The following PIK3R2 variants were observed in gnomAD, a reference collection of about 807,000 sequenced individuals.
PIK3R2 encodes phosphoinositide-3-kinase regulatory subunit 2.
A neutral mutation model predicts 78.5 loss-of-function variants in PIK3R2; 40 were observed. The ratio of observed to expected loss-of-function variants is 0.51; its 90% CI spans 0.40 to 0.66. PIK3R2 has a LOEUF of 0.66. PIK3R2 is among the 30% of genes least tolerant of loss of function. PIK3R2 has a pLI of 0.00. For synonymous variants in PIK3R2, 473 were observed against 457.7 expected, an observed-to-expected ratio of 1.03 and a Z score of -0.43; for missense variants, 880 against 1,026.6, an observed-to-expected ratio of 0.86 and a Z score of 1.95.
At position 18,168,943 on chromosome 19, in the gene PIK3R2, C is replaced by T. The variant is rs2043838595; in HGVS notation, c.1979+47C>T. The T allele has an allele frequency of 6.3e-7, 1 of 1,585,482 alleles. No homozygotes were observed. On this transcript the variant is annotated intron_variant, in intron 15 of 15. Coordinates refer to ENST00000222254, the MANE Select transcript of PIK3R2 (RefSeq NM_005027.4). This position sits in a 1 kb window ranked among gnomAD's most constrained non-coding sequence, Gnocchi z 4.1. ...GGATTCCCGCGTCCCTCCCAGAGCT[C>T]TCATTGAATGCCTGCCGCGTGCCAG...
In PIK3R2 at chr19:18,169,200, A is replaced by C. The variant is rs1555815294; in HGVS notation, c.2093A>C (p.His698Pro). 6.2e-7 allele frequency: 1 copy of C among 1,606,902 alleles called. No individual in the cohort carries two copies. Among genetic ancestry groups the C allele is most frequent in the Non-Finnish European group, 8.5e-7 (1 of 1,179,070 alleles). The change falls in exon 16 of 16, where the codon CAC becomes CCC. Residue 698 changes from histidine to proline, a missense_variant. By Grantham distance (77) the His-to-Pro change is moderately conservative. This residue lies in a region of PIK3R2 where 268 missense variants were observed against 299.1 expected (regional missense o/e 0.90). Transcript: ENST00000222254. ...SLKELVLHYQ[H>P]ASLVQHNDAL... ...AAGGAGCTGGTGCTGCACTACCAGCACGCCTCGCTGGTGCAGCACAACGAC... is the reference window on the plus strand; with the variant it reads ...AAGGAGCTGGTGCTGCACTACCAGCCCGCCTCGCTGGTGCAGCACAACGAC...
chr19:18,156,493 G>A lies in PIK3R2; in HGVS notation c.322+292G>A, dbSNP rs559519904. On this transcript the variant is annotated intron_variant, in intron 2 of 15. Transcript: ENST00000222254. The surrounding 1 kb of genome is among the most constrained non-coding windows in gnomAD (Gnocchi z 4.2). ...GGAAGCTCAAGGCAGTGGGGGCAGC[G>A]AGGGCAGAGGCTGTGGAGTAGAACT... Among the ~76,000 whole-genome samples, 21 of 152,282 alleles carry A rather than the reference G, an allele frequency of 1.4e-4. No individual in the cohort carries two copies. In the South Asian group the frequency reaches 1.4e-3, roughly 11 times the overall value.
At chr19:18,160,827 G>T in intron 3 of PIK3R2, 92 bp from the exon 4 acceptor site, 1 of 1,424,908 alleles carries the variant, frequency 7.0e-7, no homozygotes, top group Non-Finnish European at 9.7e-7. Context: ...GGGCAGCAAA[G>T]GGAGACTGCA....
At chr19:18,162,534 C>G (rs755040078) in intron 9 of PIK3R2, 28 bp downstream of exon 9, 3 of 1,586,526 alleles carry the variant, frequency 1.9e-6, no homozygotes, top group Admixed American at 3.3e-5. Context: ...CAAGGATAAC[C>G]GGGGGTCACA....
In PIK3R2 at chr19:18,163,500, C is replaced by T; in HGVS notation, c.1416+112C>T. The T allele has an allele frequency of 2.5e-6, 3 of 1,179,770 alleles. No homozygotes were observed. In the South Asian group the frequency reaches 4.1e-5, roughly 16 times the overall value. The allele number at this position is 1,179,770 out of a possible 1,614,324, so 73.1% of individuals were successfully genotyped here. On this transcript the variant is annotated intron_variant, in intron 11 of 15. Coordinates refer to ENST00000222254, the MANE Select transcript of PIK3R2 (RefSeq NM_005027.4). ...TGAGGATGAATATCCAGTTGCAGGT[C>T]ACAGAGCAGGCACTTAGCACCAAGG...
intron 11 of PIK3R2, among the ~76,000 whole-genome samples, 192 bp downstream of exon 11, chr19:18,163,580 T>C (rs907032822): frequency 1.1e-4 from 16 of 152,098 alleles, no homozygotes; most frequent in African/African-American, 2.7e-4. Context: ...GTCTGTGTAC[T>C]TGGGAGGCAG....
rs1393433745 is a variant in PIK3R2, at chr19:18,161,220, G to A, written c.598+35G>A. 6.5e-7 allele frequency: 1 copy of A among 1,526,836 alleles called. No individual in the cohort carries two copies. 94.6% of individuals were successfully genotyped at this position (1,526,836 alleles called of 1,614,324 possible). ...GCGGGTAGCCCGGGGGAAGGAGGGG[G>A]CTGTAGCGGGTGGGAGGGCCCAGGC... On this transcript the variant is annotated intron_variant, in intron 5 of 15. Coordinates refer to ENST00000222254, the MANE Select transcript of PIK3R2 (RefSeq NM_005027.4). The surrounding 1 kb of genome is among the most constrained non-coding windows in gnomAD (Gnocchi z 5.3).
At position 18,161,652 on chromosome 19, in the gene PIK3R2, GCT is replaced by G. The variant is rs1323321814; in HGVS notation, c.815+159_815+160del. 6.6e-6 allele frequency among the ~76,000 whole-genome samples: 1 copy of G among 152,202 alleles called. No individual in the cohort carries two copies. Among genetic ancestry groups the G allele is most frequent in the Admixed American group, 6.5e-5 (1 of 15,286 alleles). Reference sequence around the variant, plus strand: ...TTGTGATGACGGAGCGGAGACCTGGGCTCCTGAGTCGTGGGACAGAAGGTGAA... The same window carrying G: ...TTGTGATGACGGAGCGGAGACCTGGGCCTGAGTCGTGGGACAGAAGGTGAA... On this transcript the variant is annotated intron_variant, in intron 6 of 15. Transcript: ENST00000222254. This position sits in a 1 kb window ranked among gnomAD's most constrained non-coding sequence, Gnocchi z 5.3.
Position 18,169,539 on chromosome 19 carries a change from C to G in PIK3R2, c.*245C>G, listed in dbSNP as rs1242151079. The G allele has an allele frequency of 6.1e-6, 2 of 329,362 alleles. No homozygotes were observed. Among genetic ancestry groups the G allele is most frequent in the Admixed American group, 5.0e-5 (1 of 19,856 alleles). 20.4% of individuals were successfully genotyped at this position (329,362 alleles called of 1,614,324 possible). On this transcript the variant is annotated 3_prime_UTR_variant, in exon 16 of 16. Coordinates refer to ENST00000222254, the MANE Select transcript of PIK3R2 (RefSeq NM_005027.4). The stretch of plus-strand genomic sequence containing the variant: ...TCTCTCCATGTTGGGGGTCCTAACT[C>G]CCCCACCCCATATCTACGTGTCCTC...
chr19:18,158,483 T>C (rs1246283809), intron 2 of PIK3R2, among the ~76,000 whole-genome samples: 1 of 111,076 alleles, frequency 9.0e-6, no homozygotes, highest in Non-Finnish European at 1.7e-5. Flanking sequence ...AGAGCAAGAC[T>C]CCATCTCAAA....
intron 11 of PIK3R2, among the ~76,000 whole-genome samples, chr19:18,163,986 G>T (rs577566957): frequency 5.3e-5 from 8 of 151,944 alleles, no homozygotes; most frequent in African/African-American, 1.9e-4. Context: ...AATTAGCTGG[G>T]CATGGTGGCG....
chr19:18,165,030 C>T (rs2043793789), intron 11 of PIK3R2, among the ~76,000 whole-genome samples: 1 of 150,256 alleles, frequency 6.7e-6, no homozygotes, highest in African/African-American at 2.5e-5. Flanking sequence ...GAGTTTGAGA[C>T]CAGCCTGGCC....
chr19:18,160,452 C>G lies in PIK3R2; in HGVS notation c.323-19C>G. On this transcript the variant is annotated intron_variant, in intron 2 of 15. Coordinates refer to ENST00000222254, the MANE Select transcript of PIK3R2 (RefSeq NM_005027.4). ...CCAGGAACCCCACCAACATGCAACC[C>G]CCCTGTTTCCCCCACCAGGCCTCAC... The G allele has an allele frequency of 6.7e-7, 1 of 1,484,166 alleles. No individual in the cohort carries two copies. Among genetic ancestry groups the G allele is most frequent in the Non-Finnish European group, 9.4e-7 (1 of 1,061,218 alleles). 91.9% of individuals were successfully genotyped at this position (1,484,166 alleles called of 1,614,324 possible).
In PIK3R2 at chr19:18,162,058, C is replaced by A. The variant is rs779813115; in HGVS notation, c.901+7C>A. On this transcript the variant is annotated splice_region_variant and intron_variant, in intron 7 of 15. Transcript: ENST00000222254. ...CAGGAGGTTGCGCCCCCAGGTGAGT[C>A]CCCTGTATTGCTGTCATTTCTTCCC... The A allele has an allele frequency of 1.9e-6, 3 of 1,611,682 alleles. No homozygotes were observed. The highest frequency in any genetic ancestry group is 2.5e-6 in the Non-Finnish European group (3 of 1,178,048).
chr19:18,161,749 GTC>G lies in PIK3R2; in HGVS notation c.816-212_816-211del, dbSNP rs1974035197. 6.6e-6 allele frequency among the ~76,000 whole-genome samples: 1 copy of G among 152,194 alleles called. No individual in the cohort carries two copies. The highest frequency in any genetic ancestry group is 6.5e-5 in the Admixed American group (1 of 15,274). On this transcript the variant is annotated intron_variant, in intron 6 of 15. Coordinates refer to ENST00000222254, the MANE Select transcript of PIK3R2 (RefSeq NM_005027.4). This position sits in a 1 kb window ranked among gnomAD's most constrained non-coding sequence, Gnocchi z 5.3. ...TCTGCTCGTCGCAGCTCCGGTACTGGTCTCTCGCTCGCCTTTGTGTGAGAATC... is the reference window on the plus strand; with the variant it reads ...TCTGCTCGTCGCAGCTCCGGTACTGGTCTCGCTCGCCTTTGTGTGAGAATC...
chr19:18,163,673 T>C (rs904246511), intron 11 of PIK3R2, among the ~76,000 whole-genome samples: 2 of 152,016 alleles, frequency 1.3e-5, no homozygotes, highest in Non-Finnish European at 1.5e-5. Context: ...AATTTAAAAA[T>C]TAACTGGGTG....
rs779519249 is a variant in PIK3R2, at chr19:18,155,934, C to G, written c.55C>G (p.Arg19Gly). The change falls in exon 2 of 16, where the codon CGG becomes GGG. Residue 19 changes from arginine to glycine, a missense_variant. Physicochemically the swap from Arg to Gly is moderately radical, Grantham distance 125 (BLOSUM62 -2). Coordinates refer to ENST00000222254, the MANE Select transcript of PIK3R2 (RefSeq NM_005027.4). ...CGCTCTGTACCCGTTCCGCCGGGAG[C>G]GGCCGGAGGACCTGGAGCTGCTGCC... ...YRALYPFRRE[R>G]PEDLELLPGD... is the part of the protein sequence containing the mutation. 6.4e-7 allele frequency: 1 copy of G among 1,569,414 alleles called. No homozygotes were observed. The highest frequency in any genetic ancestry group is 1.2e-5 in the South Asian group (1 of 85,782).
chr19:18,169,568 G>C lies in PIK3R2; in HGVS notation c.*274G>C, dbSNP rs1967133340. 1 of 306,624 alleles carries C rather than the reference G, an allele frequency of 3.3e-6. No homozygotes were observed. The highest frequency in any genetic ancestry group is 2.2e-5 in the African/African-American group (1 of 45,752). The allele number at this position is 306,624 out of a possible 1,614,324, so 19.0% of individuals were successfully genotyped here. A position where few individuals can be genotyped will look rare whatever the true frequency, so the allele number is the denominator to read the frequency against. ...CACCCCATATCTACGTGTCCTCCGGGCATTGCCCTCTCCATGGCTCTGGTC... is the reference window on the plus strand; with the variant it reads ...CACCCCATATCTACGTGTCCTCCGGCCATTGCCCTCTCCATGGCTCTGGTC... On this transcript the variant is annotated 3_prime_UTR_variant, in exon 16 of 16. Transcript: ENST00000222254.
At position 18,163,962 on chromosome 19, in the gene PIK3R2, A is replaced by G. The variant is rs147699144; in HGVS notation, c.1416+574A>G. Among the ~76,000 whole-genome samples, 6 of 152,136 alleles carry G rather than the reference A, an allele frequency of 3.9e-5. No homozygotes were observed. The East Asian group carries it at 1.2e-3, about 29-fold the overall frequency. ...GCCAACATGTTGAAACCCTGTCTCT[A>G]CTAAAAATACAAAAATTAGCTGGGC... On this transcript the variant is annotated intron_variant, in intron 11 of 15. Transcript: ENST00000222254.
Sources: allele counts gnomAD v4.1 joint callset (sites outside exome capture counted in the v4.1 genomes callset), GRCh38; gene constraint gnomAD v4.1.1; regional missense constraint gnomAD v4.1.1; non-coding constraint Gnocchi (gnomAD v3.1); transcripts MANE v1.5; gene names NCBI Gene and HGNC (gene_info 2026-07-23, HGNC 2026-07-21).